APIP: variants seen among roughly 807,000 people sequenced by gnomAD.
APIP encodes APAF1 interacting protein, also known as methylthioribulose-1-phosphate dehydratase.
Under a neutral mutation model 32.0 loss-of-function variants are expected in APIP, and 32 were observed. That is an observed-to-expected ratio of 1.00 (90% CI 0.76 to 1.34). The LOEUF (loss-of-function observed/expected upper bound fraction) is 1.34, where lower values mean the gene tolerates loss of function less well. Among genes scored for constraint, APIP ranks in the 40% most tolerant of loss-of-function variants. The probability of loss-of-function intolerance (pLI) is 0.00; values close to 1 mark genes in which losing one functional copy is unlikely to be tolerated. For synonymous variants in APIP, 92 were observed against 94.8 expected, an observed-to-expected ratio of 0.97 and a Z score of 0.17; for missense variants, 247 against 298.6, an observed-to-expected ratio of 0.83 and a Z score of 1.27.
At chr11:34,888,958 ATAC>A in intron 3 of APIP, 89 bp from the exon 4 acceptor site, 2 of 713,320 alleles carry the variant, frequency 2.8e-6, no homozygotes, top group Non-Finnish European at 4.2e-6. Context: ...ATACATAAGA[ATAC>A]AAGAAAGTTT....
chr11:34,907,493 C>A (rs748706927), intron 1 of APIP, among the ~76,000 whole-genome samples: 9 of 152,140 alleles, frequency 5.9e-5, no homozygotes, highest in Admixed American at 2.0e-4. Context: ...ATTTTCAATC[C>A]TTGAGACCCA....
At chr11:34,905,454 A>G (rs1037015744) in intron 1 of APIP, among the ~76,000 whole-genome samples, 2 of 152,188 alleles carry the variant, frequency 1.3e-5, no homozygotes, top group African/African-American at 4.8e-5. Flanking sequence ...TGGACATGGT[A>G]TGGGAGCAAC....
intron 1 of APIP, among the ~76,000 whole-genome samples, chr11:34,902,286 C>T (rs539549851): frequency 6.6e-6 from 1 of 152,346 alleles, no homozygotes; most frequent in Admixed American, 6.5e-5. Context: ...TTTGGACAGG[C>T]ACTGTCACAA....
chr11:34,890,432 A>C, intron 3 of APIP, 72 bp downstream of exon 3: 1 of 1,416,152 alleles, frequency 7.1e-7, no homozygotes, highest in Non-Finnish European at 9.7e-7. Flanking sequence ...TTTTCTCTTA[A>C]AATTAATTCC....
At chr11:34,899,048 C>T (rs1362594312) in intron 1 of APIP, among the ~76,000 whole-genome samples, 3 of 151,844 alleles carry the variant, frequency 2.0e-5, no homozygotes, top group Non-Finnish European at 2.9e-5. Context: ...ATCCACCTGC[C>T]TCGGCCTCCC....
At chr11:34,896,040 A>C (rs1853263730) in intron 1 of APIP, among the ~76,000 whole-genome samples, 1 of 152,254 alleles carries the variant, frequency 6.6e-6, no homozygotes, top group Non-Finnish European at 1.5e-5. Flanking sequence ...GGGGCCATAA[A>C]AAATGAGAAT....
rs184751693 is a variant in APIP, at chr11:34,909,245, C to G, written c.57+6983G>C. On this transcript the variant is annotated intron_variant, in intron 1 of 6. Transcript: ENST00000395787. ...CGTTCCCTGGGATGTGGGTCAGAAA[C>G]ATTACCATGTGCTGAACACTCTTCT... is the stretch of plus-strand genomic sequence containing the variant. Among the ~76,000 whole-genome samples the G allele has an allele frequency of 2.6e-5, 4 of 152,162 alleles. No individual in the cohort carries two copies. In the East Asian group the frequency reaches 7.8e-4, roughly 30 times the overall value.
At chr11:34,915,061 G>GA (rs1298817047) in intron 1 of APIP, among the ~76,000 whole-genome samples, 1 of 117,514 alleles carries the variant, frequency 8.5e-6, no homozygotes, top group Non-Finnish European at 1.8e-5. Context: ...ATTGAGTGCA[G>GA]CAAAAAAAAA....
At chr11:34,910,121 A>T (rs1646343280) in intron 1 of APIP, among the ~76,000 whole-genome samples, 1 of 152,232 alleles carries the variant, frequency 6.6e-6, no homozygotes, top group Non-Finnish European at 1.5e-5. Context: ...GGTTGAAATC[A>T]TGAAGCAAGG....
intron 1 of APIP, among the ~76,000 whole-genome samples, chr11:34,895,627 C>T (rs1040028946): frequency 1.3e-5 from 2 of 152,024 alleles, no homozygotes; most frequent in Admixed American, 6.6e-5. Flanking sequence ...ATTGAAAAAG[C>T]AATATATACT....
In APIP at chr11:34,910,604, G is replaced by A. The variant is rs76605577; in HGVS notation, c.57+5624C>T. 1.0e-2 allele frequency among the ~76,000 whole-genome samples: 1,521 copies of A among 152,270 alleles called. 31 individuals carry two copies. The highest frequency in any genetic ancestry group is 0.034 in the African/African-American group (1,401 of 41,538). The stretch of plus-strand genomic sequence containing the variant: ...GAAAGGTAAAGATGCAGGTAAGTAT[G>A]TAATAATATTAACAATGTAATATTA... On this transcript the variant is annotated intron_variant, in intron 1 of 6. Transcript: ENST00000395787.
intron 1 of APIP, among the ~76,000 whole-genome samples, chr11:34,903,617 A>T (rs1167246933): frequency 6.6e-6 from 1 of 152,212 alleles, no homozygotes. Context: ...TGCAAGGGAC[A>T]TCAAAAGGGA....
rs942849935 is a variant in APIP, at chr11:34,897,056, G to C, written c.58-1946C>G. Among the ~76,000 whole-genome samples, 3 of 152,132 alleles carry C rather than the reference G, an allele frequency of 2.0e-5. No individual in the cohort carries two copies. The East Asian group carries it at 5.8e-4, about 29-fold the overall frequency. ...GGTAAAGGGGGAAAAACATCTTTGAGTTCAAAAAGCGATCATTATTTAACA... is the reference window on the plus strand; with the variant it reads ...GGTAAAGGGGGAAAAACATCTTTGACTTCAAAAAGCGATCATTATTTAACA... On this transcript the variant is annotated intron_variant, in intron 1 of 6. Coordinates refer to ENST00000395787, the MANE Select transcript of APIP (RefSeq NM_015957.4).
chr11:34,896,697 C>A, intron 1 of APIP: 1 of 1,078,124 alleles, frequency 9.3e-7, no homozygotes, highest in Non-Finnish European at 1.3e-6. Context: ...GTTCTGCACA[C>A]GTATCCCAGA....
intron 1 of APIP, among the ~76,000 whole-genome samples, chr11:34,899,229 G>A (rs1853336321): frequency 6.6e-6 from 1 of 152,180 alleles, no homozygotes; most frequent in Non-Finnish European, 1.5e-5. Flanking sequence ...ATCTTCATGA[G>A]GCACATTTTT....
chr11:34,894,867 T>C, intron 2 of APIP, 143 bp downstream of exon 2: 9 of 697,466 alleles, frequency 1.3e-5, no homozygotes, highest in Non-Finnish European at 2.2e-5. Context: ...GTTACACAAA[T>C]GTCCACTTGT....
At position 34,916,153 on chromosome 11, in the gene APIP, G is replaced by A. The variant is rs1267275569; in HGVS notation, c.57+75C>T. ...CTAAACGCCCGGCCCGCTACCCTGC[G>A]CCCAGCTCCAGCCGCCGGGTCCCGC... On this transcript the variant is annotated intron_variant, in intron 1 of 6. Transcript: ENST00000395787. 3 of 1,550,056 alleles carry A rather than the reference G, an allele frequency of 1.9e-6. No homozygotes were observed. The African/African-American group carries it at 4.1e-5, about 21-fold the overall frequency.
intron 1 of APIP, among the ~76,000 whole-genome samples, chr11:34,902,394 C>T (rs879810049): frequency 2.0e-5 from 3 of 152,122 alleles, no homozygotes; most frequent in Non-Finnish European, 4.4e-5. Flanking sequence ...AGGAAGGCAC[C>T]GAAGCTCTTC....
chr11:34,901,814 A>G (rs1430080899), intron 1 of APIP, among the ~76,000 whole-genome samples: 1 of 152,194 alleles, frequency 6.6e-6, no homozygotes, highest in Non-Finnish European at 1.5e-5. Context: ...GGATAGGTCG[A>G]GCTATAACCA....
Sources: allele counts gnomAD v4.1 joint callset (sites outside exome capture counted in the v4.1 genomes callset), GRCh38; gene constraint gnomAD v4.1.1; transcripts MANE v1.5; gene names NCBI Gene and HGNC (gene_info 2026-07-23, HGNC 2026-07-21).